Variants in KANK1 observed in about 807,000 individuals in gnomAD.
KANK1 encodes the protein KN motif and ankyrin repeat domains 1.
Under a neutral mutation model 106.2 loss-of-function variants are expected in KANK1, and 109 were observed. That is an observed-to-expected ratio of 1.03 (90% confidence interval 0.88 to 1.20). KANK1 has a LOEUF of 1.20. KANK1 is among the 50% of genes most tolerant of loss of function. The pLI is 0.00. For missense variants in KANK1, 2,399 were observed against 1,710.7 expected (o/e 1.40, Z -7.10); for synonymous variants, 873 against 652.2 (o/e 1.34, Z -5.16).
chr9:517,447 A>G (rs1425067924), intron 1 of KANK1, among the ~76,000 whole-genome samples: 1 of 146,236 alleles, frequency 6.8e-6, no homozygotes, highest in South Asian at 2.1e-4. Flanking sequence ...TTTTTAGGCT[A>G]ATAAAGAACA....
At chr9:614,623 A>G (rs1210972145) in intron 1 of KANK1, among the ~76,000 whole-genome samples, 1 of 151,994 alleles carries the variant, frequency 6.6e-6, no homozygotes, top group Non-Finnish European at 1.5e-5. Context: ...CTTGCCCACT[A>G]AATGCCGGAA....
intron 3 of KANK1, among the ~76,000 whole-genome samples, chr9:716,791 G>A (rs149751188): frequency 4.6e-5 from 7 of 152,286 alleles, no homozygotes; most frequent in East Asian, 1.9e-4. Flanking sequence ...CATAGGCAAC[G>A]TAGTGAGACC....
chr9:485,737 G>A (rs1255356062), intron 3 of KANK1, among the ~76,000 whole-genome samples: 5 of 152,106 alleles, frequency 3.3e-5, no homozygotes. Flanking sequence ...TGGATGTGGT[G>A]GCGCATGCCT....
intron 1 of KANK1, among the ~76,000 whole-genome samples, chr9:668,461 T>A (rs4742209): frequency 0.42 from 63,264 of 151,964 alleles, 14,336 homozygotes; most frequent in East Asian, 0.65. Flanking sequence ...TTTTGAATAA[T>A]GTCTCTTTGT....
intron 1 of KANK1, among the ~76,000 whole-genome samples, chr9:545,667 G>T (rs557348406): frequency 2.6e-5 from 4 of 150,976 alleles, no homozygotes; most frequent in African/African-American, 7.3e-5. Flanking sequence ...AACTTTCAGG[G>T]ACTTCATGGC....
chr9:742,231 G>A lies in KANK1; in HGVS notation c.3723G>A (p.Ala1241=), dbSNP rs376387512. 147 of 1,614,090 alleles carry A rather than the reference G, an allele frequency of 9.1e-5. No homozygotes were observed. Among genetic ancestry groups the A allele is most frequent in the African/African-American group, 8.7e-4 (65 of 75,050 alleles). Residue 1241 remains alanine (A), a synonymous_variant, in exon 10 of 12, where the codon GCG becomes GCA. Coordinates refer to ENST00000382297, the MANE Select transcript of KANK1 (RefSeq NM_015158.5). ...CGGGACAGACGGCCCTCATGCTGGC[G>A]GTCAGTCACGGACGGATAGACATGG... ...SQAGQTALML[A]VSHGRIDMVK... is the part of the protein sequence containing the mutation.
At chr9:518,990 C>T (rs765392413) in intron 1 of KANK1, among the ~76,000 whole-genome samples, 33 of 151,494 alleles carry the variant, frequency 2.2e-4, no homozygotes, top group Non-Finnish European at 4.4e-5. Context: ...TTCCAGGTTC[C>T]AGTGATTCTT....
chr9:534,259 T>G (rs6476954), intron 1 of KANK1, among the ~76,000 whole-genome samples: 1 of 152,254 alleles, frequency 6.6e-6, no homozygotes, highest in African/African-American at 2.4e-5. Context: ...CTTGTGAATG[T>G]TGAACAATGG....
intron 3 of KANK1, among the ~76,000 whole-genome samples, chr9:473,833 G>A (rs2058060380): frequency 6.6e-6 from 1 of 152,062 alleles, no homozygotes; most frequent in African/African-American, 2.4e-5. Flanking sequence ...CTGAGTAGCT[G>A]GGACTGCAGG....
At chr9:669,967 C>G (rs1845517366) in intron 1 of KANK1, among the ~76,000 whole-genome samples, 1 of 152,098 alleles carries the variant, frequency 6.6e-6, no homozygotes, top group African/African-American at 2.4e-5. Flanking sequence ...AAGAGCCTGT[C>G]TTTGGGCTGA....
At chr9:493,554 CTTT>C (rs34062799) in intron 3 of KANK1, among the ~76,000 whole-genome samples, 4 of 115,976 alleles carry the variant, frequency 3.4e-5, no homozygotes, top group Admixed American at 9.0e-5. Flanking sequence ...GGGTAATTTG[CTTT>C]TTTTTTTTTT....
At chr9:486,229 C>T (rs780050644) in intron 3 of KANK1, among the ~76,000 whole-genome samples, 7 of 152,136 alleles carry the variant, frequency 4.6e-5, no homozygotes, top group Non-Finnish European at 1.0e-4. Context: ...GAGGATTCAG[C>T]CCTGCAAAAG....
At chr9:521,603 G>A (rs927936115) in intron 1 of KANK1, among the ~76,000 whole-genome samples, 3 of 132,222 alleles carry the variant, frequency 2.3e-5, no homozygotes, top group East Asian at 2.1e-4. Flanking sequence ...AGTTTTGCTC[G>A]TCACCCAGGC....
chr9:707,327 A>G lies in KANK1; in HGVS notation c.38-3477A>G, dbSNP rs1824609072. 1.4e-5 allele frequency: 10 copies of G among 718,304 alleles called. No homozygotes were observed. The South Asian group carries it at 5.6e-4, about 40-fold the overall frequency. 44.5% of individuals were successfully genotyped at this position (718,304 alleles called of 1,614,324 possible). On this transcript the variant is annotated intron_variant, in intron 2 of 11. Coordinates refer to ENST00000382297, the MANE Select transcript of KANK1 (RefSeq NM_015158.5). Reference sequence around the variant, plus strand: ...CCTGGGCGAGGGGGGCCGGCCGGGAAGGTGCGCACTGCTGGGCCGCTTCAC... The same window carrying G: ...CCTGGGCGAGGGGGGCCGGCCGGGAGGGTGCGCACTGCTGGGCCGCTTCAC...
intron 1 of KANK1, among the ~76,000 whole-genome samples, chr9:659,703 A>C (rs1842888313): frequency 6.6e-6 from 1 of 151,802 alleles, no homozygotes; most frequent in African/African-American, 2.4e-5. Flanking sequence ...GGAGAAAAAG[A>C]GGGAAGAAGG....
At chr9:601,177 C>T (rs1488615771) in intron 1 of KANK1, among the ~76,000 whole-genome samples, 1 of 151,776 alleles carries the variant, frequency 6.6e-6, no homozygotes, top group African/African-American at 2.4e-5. Flanking sequence ...GGCTCCCATA[C>T]CCTTCACTCA....
chr9:678,219 G>C (rs189438942), intron 2 of KANK1, among the ~76,000 whole-genome samples: 8 of 152,248 alleles, frequency 5.3e-5, no homozygotes, highest in African/African-American at 9.6e-5. Context: ...GACTTTTATA[G>C]ATTCTGCTGT....
At chr9:702,668 T>A (rs192269437) in intron 2 of KANK1, among the ~76,000 whole-genome samples, 1 of 152,174 alleles carries the variant, frequency 6.6e-6, no homozygotes. Context: ...GTAGCCTCTT[T>A]CCCTACGTCA....
intron 1 of KANK1, among the ~76,000 whole-genome samples, chr9:520,467 T>C (rs759758243): frequency 6.6e-5 from 10 of 151,750 alleles, no homozygotes; most frequent in Non-Finnish European, 1.2e-4. Context: ...CTGCCAGCAA[T>C]GTGGTAGAGA....
Sources: allele counts gnomAD v4.1 joint callset (sites outside exome capture counted in the v4.1 genomes callset), GRCh38; gene constraint gnomAD v4.1.1; transcripts MANE v1.5; gene names NCBI Gene and HGNC (gene_info 2026-07-23, HGNC 2026-07-21).